Variants in C13orf42 observed in about 807,000 individuals in gnomAD.
The protein encoded by C13orf42 is chromosome 13 open reading frame 42.
In C13orf42 at chr13:51,110,914, T is replaced by C; in HGVS notation, c.296A>G (p.Tyr99Cys). 2.5e-6 allele frequency: 1 copy of C among 398,648 alleles called. No homozygotes were observed. Among genetic ancestry groups the C allele is most frequent in the Non-Finnish European group, 4.4e-6 (1 of 226,088 alleles). The allele number at this position is 398,648 out of a possible 1,614,324, so 24.7% of individuals were successfully genotyped here. ...CTTCAGATCACTGAAGCTGCTGAGATATTTTTTGCGCAAGGCCAGCAGCTC... is the reference window on the plus strand; with the variant it reads ...CTTCAGATCACTGAAGCTGCTGAGACATTTTTTGCGCAAGGCCAGCAGCTC... Reference protein sequence around the residue: ...LQELLALRKKYLSSFSDLKPH... With the variant: ...LQELLALRKKCLSSFSDLKPH... Residue 99 changes from tyrosine (Y) to cysteine (C), a missense_variant, in exon 1 of 4, where the codon TAT (tyrosine) becomes TGT (cysteine). Physicochemically the swap from Tyr to Cys is radical, Grantham distance 194 (BLOSUM62 -2). Transcript: ENST00000563710.
rs1318432755 is a variant in C13orf42 at position 51,083,516 on chromosome 13, AAC to A, written c.*633_*634del. On this transcript the variant is annotated 3_prime_UTR_variant, in exon 4 of 4. Coordinates refer to ENST00000563710, the MANE Select transcript of C13orf42 (RefSeq NM_001351589.3). Reference sequence around the variant, plus strand: ...GGAGCTGAGTTTTGGGGCCTGAGGAAACAGTGTGGCCCCCAGGCAGGCTCGTG... The same window carrying A: ...GGAGCTGAGTTTTGGGGCCTGAGGAAAGTGTGGCCCCCAGGCAGGCTCGTG... 1 of 152,212 alleles carries A rather than the reference AAC, an allele frequency of 6.6e-6. No individual in the cohort carries two copies. The allele number at this position is 152,212 out of a possible 1,614,324, so 9.4% of individuals were successfully genotyped here. A position where few individuals can be genotyped will look rare whatever the true frequency, so the allele number is the denominator to read the frequency against.
chr13:51,098,739 T>C (rs1415349157), intron 1 of C13orf42, among the ~76,000 whole-genome samples: 1 of 151,962 alleles, frequency 6.6e-6, no homozygotes, highest in Non-Finnish European at 1.5e-5. Flanking sequence ...ACCAGTGTGG[T>C]TCAAACAATG....
intron 1 of C13orf42, among the ~76,000 whole-genome samples, chr13:51,150,915 A>G (rs1953773403): frequency 6.6e-6 from 1 of 152,242 alleles, no homozygotes; most frequent in Non-Finnish European, 1.5e-5. Flanking sequence ...AATCCCAGCT[A>G]AATGAAAAAT....
exon 1 of C13orf42, chr13:51,172,354 G>T (rs140200757): frequency 7.2e-6 from 1 of 138,254 alleles, no homozygotes; most frequent in Non-Finnish European, 1.6e-5. Context: ...GACACTGCCG[G>T]ATCACCTCGG....
Position 51,097,811 on chromosome 13 carries a change from G to T in C13orf42, c.415-9736C>A, listed in dbSNP as rs533286910. Among the ~76,000 whole-genome samples the T allele has an allele frequency of 1.6e-4, 24 of 151,740 alleles. No individual in the cohort carries two copies. In the South Asian group the frequency reaches 5.0e-3, roughly 32 times the overall value. On this transcript the variant is annotated intron_variant, in intron 1 of 3. Coordinates refer to ENST00000563710, the MANE Select transcript of C13orf42 (RefSeq NM_001351589.3). The stretch of plus-strand genomic sequence containing the variant: ...GGAAATGCCAAATGTAATGCAGGCT[G>T]TTTCCTGCTGCAGCCTTCCCGGCTG...
chr13:51,165,315 C>A (rs992753264), intron 1 of C13orf42, among the ~76,000 whole-genome samples: 1 of 152,224 alleles, frequency 6.6e-6, no homozygotes, highest in Non-Finnish European at 1.5e-5. Flanking sequence ...CCCCTTCAGG[C>A]TCTCCACTGT....
At chr13:51,144,929 A>T (rs2138033156) in intron 1 of C13orf42, among the ~76,000 whole-genome samples, 1 of 152,370 alleles carries the variant, frequency 6.6e-6, no homozygotes, top group South Asian at 2.1e-4. Flanking sequence ...TAGGCCAAGT[A>T]TAATAAGCAA....
At chr13:51,151,329 G>A (rs1266595954) in intron 1 of C13orf42, among the ~76,000 whole-genome samples, 1 of 151,904 alleles carries the variant, frequency 6.6e-6, no homozygotes, top group Non-Finnish European at 1.5e-5. Flanking sequence ...GACAGAGGAA[G>A]GGGCCAGAAG....
In C13orf42 at chr13:51,084,660, C is replaced by A. The variant is rs79170860; in HGVS notation, c.804-335G>T. 7.0e-3 allele frequency among the ~76,000 whole-genome samples: 1,063 copies of A among 152,386 alleles called. 12 individuals are homozygous for A. The highest frequency in any genetic ancestry group is 0.024 in the African/African-American group (1,019 of 41,598). On this transcript the variant is annotated intron_variant, in intron 3 of 3. Coordinates refer to ENST00000563710, the MANE Select transcript of C13orf42 (RefSeq NM_001351589.3). Reference sequence around the variant, plus strand: ...CTTTTGTAGAAGCAAAGGAAGACAGCTGATGAGGCTTGACAGGCCCTTCCG... The same window carrying A: ...CTTTTGTAGAAGCAAAGGAAGACAGATGATGAGGCTTGACAGGCCCTTCCG...
At chr13:51,130,011 T>G (rs1005648227) in intron 1 of C13orf42, among the ~76,000 whole-genome samples, 1 of 152,256 alleles carries the variant, frequency 6.6e-6, no homozygotes, top group Admixed American at 6.5e-5. Context: ...ATGAGTCCTT[T>G]ACCTGCTGAA....
upstream of C13orf42, chr13:51,113,263 TG>T (rs1953452636): frequency 6.6e-6 from 1 of 152,212 alleles, no homozygotes; most frequent in African/African-American, 2.4e-5. Context: ...GACATCAACC[TG>T]CAGAACATTT....
chr13:51,163,243 T>C (rs965781439), intron 1 of C13orf42, among the ~76,000 whole-genome samples: 51 of 152,296 alleles, frequency 3.3e-4, no homozygotes, highest in Non-Finnish European at 6.3e-4. Flanking sequence ...CCTTCAAATA[T>C]AGGCAGCCTC....
chr13:51,103,164 C>G (rs906475780), intron 1 of C13orf42, among the ~76,000 whole-genome samples: 2 of 152,196 alleles, frequency 1.3e-5, no homozygotes, highest in African/African-American at 4.8e-5. Context: ...AAAGCAGCAG[C>G]CTGGCTCTGT....
intron 1 of C13orf42, among the ~76,000 whole-genome samples, chr13:51,156,164 G>A (rs547259410): frequency 3.3e-5 from 5 of 152,262 alleles, no homozygotes; most frequent in African/African-American, 4.8e-5. Context: ...GGCCTGCCAC[G>A]TGCCTAGGAT....
intron 1 of C13orf42, among the ~76,000 whole-genome samples, chr13:51,143,055 C>T (rs1416897930): frequency 6.6e-6 from 1 of 152,168 alleles, no homozygotes; most frequent in Non-Finnish European, 1.5e-5. Context: ...AAGGTCATTA[C>T]ATCCATGTAT....
chr13:51,127,809 C>T (rs1034971134), intron 1 of C13orf42, among the ~76,000 whole-genome samples: 4 of 152,096 alleles, frequency 2.6e-5, no homozygotes, highest in Non-Finnish European at 4.4e-5. Flanking sequence ...ATTCTAGGTA[C>T]CTGTCAGAGG....
chr13:51,162,622 G>A (rs990955453), intron 1 of C13orf42, among the ~76,000 whole-genome samples: 9 of 152,124 alleles, frequency 5.9e-5, no homozygotes, highest in Non-Finnish European at 1.0e-4. Context: ...AGTTACAGAG[G>A]TTCTGGATGA....
At chr13:51,145,249 T>A (rs192078813) in intron 1 of C13orf42, among the ~76,000 whole-genome samples, 1 of 152,202 alleles carries the variant, frequency 6.6e-6, no homozygotes, top group African/African-American at 2.4e-5. Context: ...AAAATAACAG[T>A]AACCTATTTA....
chr13:51,096,450 C>A (rs1227055108), intron 1 of C13orf42, among the ~76,000 whole-genome samples: 1 of 152,198 alleles, frequency 6.6e-6, no homozygotes, highest in Non-Finnish European at 1.5e-5. Flanking sequence ...GACAGTCTCT[C>A]TAATTCAAAT....
Sources: allele counts gnomAD v4.1 joint callset (sites outside exome capture counted in the v4.1 genomes callset), GRCh38; gene constraint gnomAD v4.1.1; transcripts MANE v1.5; gene names NCBI Gene and HGNC (gene_info 2026-07-23, HGNC 2026-07-21).